The following AXL variants were observed in gnomAD, a reference collection of about 807,000 sequenced individuals.
The protein encoded by AXL is AXL receptor tyrosine kinase.
In AXL, 52 loss-of-function variants were observed where a neutral mutation model predicts 104.5. That is an observed-to-expected ratio of 0.50 (90% CI 0.40 to 0.63). The LOEUF is 0.63. AXL is among the 20% of genes least tolerant of loss of function. The pLI, the probability that AXL is intolerant of heterozygous loss-of-function variation, is 0.00. For missense variants in AXL, 1,024 were observed against 1,188.5 expected (o/e 0.86, Z 2.04); for synonymous variants, 455 against 473.7 (o/e 0.96, Z 0.51).
intron 14 of AXL, among the ~76,000 whole-genome samples, chr19:41,250,692 C>T (rs548533299): frequency 3.9e-5 from 6 of 152,300 alleles, no homozygotes; most frequent in Non-Finnish European, 7.4e-5. Context: ...CCACCTGCCT[C>T]GGCATCCCAA....
intron 6 of AXL, among the ~76,000 whole-genome samples, chr19:41,236,718 A>C (rs552191432): frequency 6.6e-6 from 1 of 151,732 alleles, no homozygotes; most frequent in Non-Finnish European, 1.5e-5. Flanking sequence ...CGGAGGTTGC[A>C]GTGAGCCAAG....
rs995867560 is a variant in AXL, at chr19:41,252,883, A to C, written c.1842A>C (p.Pro614=). The C allele has an allele frequency of 8.7e-6, 14 of 1,614,054 alleles. No homozygotes were observed. Among genetic ancestry groups the C allele is most frequent in the African/African-American group, 2.7e-5 (2 of 74,934 alleles). Residue 614 remains proline (P), a synonymous_variant, in exon 16 of 20, where the codon CCA becomes CCC. Coordinates refer to ENST00000301178, the MANE Select transcript of AXL (RefSeq NM_021913.5). ...CFQGSERESF[P]APVVILPFMK... ...AGGGTTCTGAACGAGAGAGCTTCCC[A>C]GCACCTGTGGTCATCTTACCTTTCA...
Position 41,238,549 on chromosome 19 carries a change from G to T in AXL, c.1074G>T (p.Ala358=), listed in dbSNP as rs768522110. Residue 358 remains alanine, a synonymous_variant, in exon 8 of 20, where the codon GCG becomes GCT. Transcript: ENST00000301178. ...TCGTGCATTGGCAAGAGCCCCGGGC[G>T]CCCCTGCAGGGTACCCTGTTAGGGT... ...QAFVHWQEPR[A]PLQGTLLGYR... The T allele has an allele frequency of 2.4e-5, 38 of 1,613,800 alleles. No individual in the cohort carries two copies. Among genetic ancestry groups the T allele is most frequent in the Non-Finnish European group, 3.1e-5 (36 of 1,179,920 alleles).
chr19:41,252,254 G>A (rs2034376475), intron 14 of AXL, 97 bp from the exon 15 acceptor site: 1 of 1,010,132 alleles, frequency 9.9e-7, no homozygotes, highest in Non-Finnish European at 1.5e-6. Flanking sequence ...TGATGAAGAT[G>A]AGTGATGATG....
rs774724394 is a variant in AXL at position 41,253,626 on chromosome 19, T to G, written c.1954T>G (p.Phe652Val). The change falls in exon 17 of 20, where the codon TTC becomes GTC. Residue 652 changes from phenylalanine to valine, a missense_variant. This residue lies in a region of AXL where 523 missense variants were observed against 636.0 expected (regional missense o/e 0.82). Transcript: ENST00000301178. ...VYLPTQMLVK[F>V]MADIASGMEY... ...CCTGCCCACTCAGATGCTAGTGAAG[T>G]TCATGGCAGACATCGCCAGTGGCAT... 6.2e-7 allele frequency: 1 copy of G among 1,613,788 alleles called. No individual in the cohort carries two copies. The highest frequency in any genetic ancestry group is 8.5e-7 in the Non-Finnish European group (1 of 1,179,908).
chr19:41,231,370 C>T (rs2122220310), intron 6 of AXL, 72 bp downstream of exon 6: 3 of 1,350,448 alleles, frequency 2.2e-6, no homozygotes, highest in Non-Finnish European at 3.1e-6. Context: ...CCCATCCTCT[C>T]CCTGGGAACC....
chr19:41,240,337 ATGAC>A (rs2034160362), intron 10 of AXL, among the ~76,000 whole-genome samples: 1 of 151,222 alleles, frequency 6.6e-6, no homozygotes, highest in African/African-American at 2.4e-5. Flanking sequence ...TGAACAAAAG[ATGAC>A]TGGGTGGTGA....
In AXL at chr19:41,219,290, C is replaced by T. The variant is rs554900580; in HGVS notation, c.-103C>T. On this transcript the variant is annotated 5_prime_UTR_variant, in exon 1 of 20. Coordinates refer to ENST00000301178, the MANE Select transcript of AXL (RefSeq NM_021913.5). ...CTGCCGCTGTGCCAGGCAGGCAGTG[C>T]CAAATCCGGGGAGCCTGGAGCTGGG... 2 of 1,192,096 alleles carry T rather than the reference C, an allele frequency of 1.7e-6. No individual in the cohort carries two copies. The highest frequency in any genetic ancestry group is 3.1e-5 in the African/African-American group (2 of 64,510). 73.8% of individuals were successfully genotyped at this position (1,192,096 alleles called of 1,614,324 possible).
intron 6 of AXL, among the ~76,000 whole-genome samples, chr19:41,231,526 A>G (rs1435574874): frequency 1.3e-5 from 2 of 152,150 alleles, no homozygotes; most frequent in African/African-American, 4.8e-5. Context: ...TCTCTTGTCT[A>G]CAAAATGGAC....
chr19:41,234,570 AAC>A (rs948461742), intron 6 of AXL, among the ~76,000 whole-genome samples: 15 of 152,168 alleles, frequency 9.9e-5, no homozygotes, highest in Admixed American at 7.9e-4. Context: ...AAAGAAAGAA[AAC>A]AAACGTTAGC....
chr19:41,249,340 A>C (rs1052677921), intron 14 of AXL, among the ~76,000 whole-genome samples: 1 of 152,206 alleles, frequency 6.6e-6, no homozygotes, highest in African/African-American at 2.4e-5. Context: ...CTGTAGTCCC[A>C]GCTACTTGGG....
At chr19:41,253,744 C>A in intron 17 of AXL, 36 bp downstream of exon 17, 1 of 1,490,144 alleles carries the variant, frequency 6.7e-7, no homozygotes, top group Non-Finnish European at 9.3e-7. Flanking sequence ...CCCCCAACTG[C>A]TCCTGCACTC....
chr19:41,235,657 T>C (rs891880875), intron 6 of AXL, among the ~76,000 whole-genome samples: 1 of 152,206 alleles, frequency 6.6e-6, no homozygotes, highest in Non-Finnish European at 1.5e-5. Flanking sequence ...TTACCGCCAG[T>C]AGAGCAAAGA....
At chr19:41,221,771 G>T in intron 3 of AXL, 109 bp from the exon 4 acceptor site, 1 of 1,217,454 alleles carries the variant, frequency 8.2e-7, no homozygotes, top group South Asian at 1.6e-5. Flanking sequence ...GCAAGTCAAT[G>T]ACCCTGCAGG....
chr19:41,256,732 G>A lies in AXL; in HGVS notation c.2196+121G>A, dbSNP rs975168249. 2.8e-5 allele frequency: 38 copies of A among 1,356,688 alleles called. No homozygotes were observed. The South Asian group carries it at 5.0e-4, about 18-fold the overall frequency. The allele number at this position is 1,356,688 out of a possible 1,614,324, so 84.0% of individuals were successfully genotyped here. Reference sequence around the variant, plus strand: ...GGACATGTGGGCTTCCCTTTGCAGGGGCTTGTCCACATGGGCTGGGCATGT... The same window carrying A: ...GGACATGTGGGCTTCCCTTTGCAGGAGCTTGTCCACATGGGCTGGGCATGT... On this transcript the variant is annotated intron_variant, in intron 18 of 19. Coordinates refer to ENST00000301178, the MANE Select transcript of AXL (RefSeq NM_021913.5).
At position 41,252,089 on chromosome 19, in the gene AXL, G is replaced by A. The variant is rs2052767656; in HGVS notation, c.1712-262G>A. ...GATCAAACCACTGCACTCCAGCCTG[G>A]ACAACAGAGTGAGACTCCATCTAAA... On this transcript the variant is annotated intron_variant, in intron 14 of 19. Coordinates refer to ENST00000301178, the MANE Select transcript of AXL (RefSeq NM_021913.5). Among the ~76,000 whole-genome samples the A allele has an allele frequency of 2.1e-5, 3 of 143,568 alleles. No individual in the cohort carries two copies. In the South Asian group the frequency reaches 6.5e-4, roughly 31 times the overall value. The allele number at this position is 143,568 out of a possible 152,430, so 94.2% of individuals were successfully genotyped here.
intron 10 of AXL, among the ~76,000 whole-genome samples, chr19:41,241,856 C>A (rs997784290): frequency 2.6e-5 from 4 of 151,950 alleles, no homozygotes; most frequent in African/African-American, 9.7e-5. Flanking sequence ...AACAAACAAA[C>A]AAAAAAAGAG....
At chr19:41,238,755 C>T (rs2034128845) in intron 8 of AXL, 146 bp downstream of exon 8, 3 of 1,245,842 alleles carry the variant, frequency 2.4e-6, no homozygotes, top group East Asian at 5.2e-5. Context: ...TTCACATTCA[C>T]ATTCTGGGGA....
At chr19:41,258,013 G>A (rs1568419769) in intron 19 of AXL, among the ~76,000 whole-genome samples, 2 of 152,198 alleles carry the variant, frequency 1.3e-5, no homozygotes, top group African/African-American at 4.8e-5. Flanking sequence ...CTCAACACCT[G>A]AGACTCTCTG....
Sources: allele counts gnomAD v4.1 joint callset (sites outside exome capture counted in the v4.1 genomes callset), GRCh38; gene constraint gnomAD v4.1.1; regional missense constraint gnomAD v4.1.1; transcripts MANE v1.5; gene names NCBI Gene and HGNC (gene_info 2026-07-23, HGNC 2026-07-21).